Variants in UBP1 observed in about 807,000 individuals in gnomAD.
The protein encoded by UBP1 is upstream-binding protein 1.
In UBP1, 22 loss-of-function variants were observed where a neutral mutation model predicts 76.1. The observed-to-expected ratio is 0.29, with a 90% CI of 0.21 to 0.41. The LOEUF (loss-of-function observed/expected upper bound fraction) is 0.41. Ranked by LOEUF, UBP1 falls within the 10% of genes least tolerant of loss-of-function variation. The pLI is 1.00. For missense variants in UBP1, 436 were observed against 668.1 expected, an observed-to-expected ratio of 0.65 and a Z score of 3.83; for synonymous variants, 224 against 237.1, an observed-to-expected ratio of 0.94 and a Z score of 0.51.
intron 11 of UBP1, 94 bp downstream of exon 11, chr3:33,400,095 G>C: frequency 1.3e-6 from 1 of 767,348 alleles, no homozygotes. Flanking sequence ...CCTATCCATA[G>C]TTATTTCAAA....
At chr3:33,410,027 A>C (rs907410066) in intron 5 of UBP1, among the ~76,000 whole-genome samples, 3 of 152,144 alleles carry the variant, frequency 2.0e-5, no homozygotes. Context: ...CATTACCCCT[A>C]TTCTACCCAG....
chr3:33,403,974 G>T (rs1047207853), intron 8 of UBP1, among the ~76,000 whole-genome samples: 1 of 152,132 alleles, frequency 6.6e-6, no homozygotes, highest in African/African-American at 2.4e-5. Context: ...GGCTGGACAC[G>T]GTGACTCATG....
At chr3:33,390,751 G>A (rs1341816247) in intron 15 of UBP1, 5 of 199,162 alleles carry the variant, frequency 2.5e-5, no homozygotes, top group South Asian at 1.4e-4. Flanking sequence ...AAATGCAAAT[G>A]TGTACATCTA....
At position 33,390,288 on chromosome 3, in the gene UBP1, C is replaced by A; in HGVS notation, c.*43G>T. The A allele has an allele frequency of 6.3e-7, 1 of 1,581,180 alleles. No individual in the cohort carries two copies. Among genetic ancestry groups the A allele is most frequent in the Non-Finnish European group, 8.7e-7 (1 of 1,153,178 alleles). ...GATTCAGTCTTCACACACTTTTAAGCGTGACTATTTGGTACTGAATACAGT... is the reference window on the plus strand; with the variant it reads ...GATTCAGTCTTCACACACTTTTAAGAGTGACTATTTGGTACTGAATACAGT... On this transcript the variant is annotated 3_prime_UTR_variant, in exon 16 of 16. Transcript: ENST00000283629.
intron 8 of UBP1, among the ~76,000 whole-genome samples, chr3:33,405,283 A>G (rs2044387312): frequency 6.6e-6 from 1 of 152,218 alleles, no homozygotes. Flanking sequence ...AGAAGGAAGA[A>G]CAGAGTAAAA....
chr3:33,439,968 G>A lies in UBP1; in HGVS notation c.-120C>T, dbSNP rs2045265783. On this transcript the variant is annotated 5_prime_UTR_variant, in exon 1 of 16. Transcript: ENST00000283629. ...TGAAGCCTCCGGAGGGGCGGCGAGT[G>A]GTCACCAGCGGCGGCCGGGACGAGA... 1 of 1,040,574 alleles carries A rather than the reference G, an allele frequency of 9.6e-7. No individual in the cohort carries two copies. The highest frequency in any genetic ancestry group is 1.7e-5 in the African/African-American group (1 of 58,588). 64.5% of individuals were successfully genotyped at this position (1,040,574 alleles called of 1,614,324 possible). A position where few individuals can be genotyped will look rare whatever the true frequency, so the allele number is the denominator to read the frequency against.
chr3:33,439,513 G>A (rs1385323084), intron 1 of UBP1, among the ~76,000 whole-genome samples: 1 of 152,232 alleles, frequency 6.6e-6, no homozygotes, highest in South Asian at 2.1e-4. Flanking sequence ...GGAGCGGTCC[G>A]AGGCCGACGC....
chr3:33,411,815 T>A (rs182474866), intron 4 of UBP1, 128 bp from the exon 5 acceptor site: 78 of 714,200 alleles, frequency 1.1e-4, no homozygotes, highest in Non-Finnish European at 1.8e-4. Flanking sequence ...ATGGTCTCCA[T>A]GATCAACTTC....
Position 33,396,178 on chromosome 3 carries a change from G to T in UBP1, c.1374C>A (p.Gly458=), listed in dbSNP as rs775394679. 43 of 1,582,476 alleles carry T rather than the reference G, an allele frequency of 2.7e-5. 1 individual carries two copies. In the South Asian group the frequency reaches 4.7e-4, roughly 17 times the overall value. Residue 458 remains glycine, a synonymous_variant, in exon 13 of 16, where the codon GGC becomes GGA. Transcript: ENST00000283629. ...QQAASSASEN[G]SGAPYVYHAI... ...AATACCTACCATAGGGTGCCCCACT[G>T]CCATTCTCGCTTGCACTGCTTGCAG... is the stretch of plus-strand genomic sequence containing the variant.
intron 11 of UBP1, 71 bp from the exon 12 acceptor site, chr3:33,397,206 T>C: frequency 8.5e-7 from 1 of 1,169,922 alleles, no homozygotes; most frequent in East Asian, 2.4e-5. Context: ...GGCATCTGTC[T>C]TCATGCAGTC....
chr3:33,396,594 A>G (rs983917530), intron 12 of UBP1: 1 of 403,024 alleles, frequency 2.5e-6, no homozygotes, highest in Non-Finnish European at 4.7e-6. Flanking sequence ...TTCTCACACC[A>G]CAAGTATAGA....
At chr3:33,396,966 G>A in intron 12 of UBP1, 79 bp downstream of exon 12, 1 of 1,328,774 alleles carries the variant, frequency 7.5e-7, no homozygotes, top group Non-Finnish European at 1.1e-6. Context: ...AACCTAGCGT[G>A]GAAACACATT....
At chr3:33,395,824 T>C (rs2043969053) in intron 13 of UBP1, among the ~76,000 whole-genome samples, 1 of 141,440 alleles carries the variant, frequency 7.1e-6, no homozygotes, top group African/African-American at 2.7e-5. Context: ...GCCAGTGTTA[T>C]ATTCATCATT....
chr3:33,409,502 C>T lies in UBP1; in HGVS notation c.655G>A (p.Gly219Arg), dbSNP rs1163846786. The T allele has an allele frequency of 8.1e-6, 13 of 1,613,856 alleles. No homozygotes were observed. The highest frequency in any genetic ancestry group is 1.0e-5 in the Non-Finnish European group (12 of 1,180,000). The change falls in exon 6 of 16, where the codon GGA becomes AGA. Residue 219 changes from glycine to arginine, a missense_variant. Around this residue, in one of 3 missense-constraint regions of UBP1, gnomAD observed 65 missense variants for 157.4 expected, o/e 0.41. Transcript: ENST00000283629. ...GAGTGTAGATGATCTGTGTATTCTC[C>T]ATTTTCATTCTGCTTAAAGGTGTCA... ...QVDTFKQNEN[G>R]EYTDHLHSAS... is the part of the protein sequence containing the mutation.
intron 1 of UBP1, among the ~76,000 whole-genome samples, chr3:33,429,580 C>T (rs190555440): frequency 3.3e-5 from 5 of 152,268 alleles, no homozygotes; most frequent in Non-Finnish European, 7.4e-5. Flanking sequence ...CCACCCACCT[C>T]GGCCTCCTAA....
intron 5 of UBP1, 118 bp downstream of exon 5, chr3:33,411,463 C>T (rs2044580810): frequency 4.8e-6 from 4 of 825,332 alleles, no homozygotes; most frequent in East Asian, 2.6e-5. Flanking sequence ...TATAGAAAGA[C>T]ACTACAACAT....
intron 1 of UBP1, among the ~76,000 whole-genome samples, chr3:33,429,009 C>G (rs190885083): frequency 6.6e-6 from 1 of 152,220 alleles, no homozygotes; most frequent in African/African-American, 2.4e-5. Context: ...ATTTCCCTAC[C>G]CTAGCTCTAT....
At chr3:33,408,423 G>A (rs557073219) in intron 8 of UBP1, among the ~76,000 whole-genome samples, 1 of 152,126 alleles carries the variant, frequency 6.6e-6, no homozygotes, top group East Asian at 1.9e-4. Flanking sequence ...AGTCAGGGAG[G>A]GAATACATAT....
intron 1 of UBP1, among the ~76,000 whole-genome samples, chr3:33,433,639 C>A (rs1289316292): frequency 6.6e-6 from 1 of 151,266 alleles, no homozygotes. Context: ...GGTAACAGAA[C>A]AAGACTCCAC....
Sources: gnomAD v4.1 joint callset for allele counts (sites outside exome capture counted in the v4.1 genomes callset) on GRCh38, gnomAD v4.1.1 for gene constraint, gnomAD v4.1.1 regional missense constraint, MANE v1.5 for transcripts, NCBI Gene and HGNC (gene_info 2026-07-23, HGNC 2026-07-21) for gene names.